Variants in ESRRG observed in about 807,000 individuals in gnomAD.
The protein encoded by ESRRG is estrogen related receptor gamma.
Under a neutral mutation model 44.0 loss-of-function variants are expected in ESRRG, and 13 were observed. That is an observed-to-expected ratio of 0.30 (90% confidence interval 0.19 to 0.47). The LOEUF is 0.47. Among genes scored for constraint, ESRRG ranks in the 20% least tolerant of loss-of-function variants. The pLI is 1.00. For synonymous variants in ESRRG, 215 were observed against 214.6 expected (o/e 1.00, Z -0.02); for missense variants, 395 against 580.6 (o/e 0.68, Z 3.29).
chr1:216,839,776 G>A (rs1413875891), intron 2 of ESRRG, among the ~76,000 whole-genome samples: 2 of 152,044 alleles, frequency 1.3e-5, no homozygotes, highest in African/African-American at 4.8e-5. Context: ...GAGCTCCTGG[G>A]TAATCAGGTG....
At chr1:216,758,602 T>C (rs2092597222) in intron 2 of ESRRG, among the ~76,000 whole-genome samples, 1 of 152,036 alleles carries the variant, frequency 6.6e-6, no homozygotes, top group Non-Finnish European at 1.5e-5. Flanking sequence ...TATTTATTTG[T>C]TGACTGTACT....
At chr1:216,918,141 G>A (rs926812142) in intron 2 of ESRRG, among the ~76,000 whole-genome samples, 1 of 152,062 alleles carries the variant, frequency 6.6e-6, no homozygotes, top group Non-Finnish European at 1.5e-5. Context: ...ATCTACAAAG[G>A]CATTTGTAAT....
At chr1:217,091,614 T>C (rs1416722712), upstream of ESRRG, among the ~76,000 whole-genome samples, 1 of 152,232 alleles carries the variant, frequency 6.6e-6, no homozygotes, top group Non-Finnish European at 1.5e-5. Flanking sequence ...TTGGCCTATG[T>C]CTCTCCACCT....
intron 2 of ESRRG, among the ~76,000 whole-genome samples, chr1:216,907,199 A>G (rs1225354263): frequency 6.6e-6 from 1 of 152,178 alleles, no homozygotes; most frequent in East Asian, 1.9e-4. Context: ...ATGAAAATAC[A>G]GCATCTCTGC....
rs558979640 is a variant in ESRRG, at chr1:216,829,819, G to C, written c.-14+109763C>G. Among the ~76,000 whole-genome samples the C allele has an allele frequency of 5.9e-5, 9 of 152,214 alleles. No individual in the cohort carries two copies. In the South Asian group the frequency reaches 1.5e-3, roughly 25 times the overall value. ...TCCACCCTCCTCGGCCTCCCAAAGT[G>C]CTGGGATTACAGGTGTGAGCCACCG... On this transcript the variant is annotated intron_variant, in intron 2 of 7. Transcript: ENST00000359162.
At chr1:217,129,180 C>T (rs914684772) in intron 1 of ESRRG, among the ~76,000 whole-genome samples, 3 of 152,196 alleles carry the variant, frequency 2.0e-5, no homozygotes, top group African/African-American at 7.2e-5. Flanking sequence ...ATCGTCAAGA[C>T]TCTGAATAGA....
At chr1:216,614,691 T>TTC (rs1269195837) in intron 3 of ESRRG, among the ~76,000 whole-genome samples, 1 of 152,106 alleles carries the variant, frequency 6.6e-6, no homozygotes, top group African/African-American at 2.4e-5. Flanking sequence ...TTGAGAAGAG[T>TTC]CTTGAAAGAG....
intron 2 of ESRRG, among the ~76,000 whole-genome samples, chr1:216,737,091 C>T (rs1232309194): frequency 6.6e-6 from 1 of 152,192 alleles, no homozygotes; most frequent in East Asian, 1.9e-4. Flanking sequence ...GTGATGCTGG[C>T]TGCTACGGCT....
chr1:216,887,374 C>G (rs1057480701), intron 2 of ESRRG, among the ~76,000 whole-genome samples: 2 of 152,164 alleles, frequency 1.3e-5, no homozygotes, highest in African/African-American at 2.4e-5. Context: ...CAAACTTGAA[C>G]TATCAGAACT....
chr1:216,556,208 C>T (rs2057514620), intron 5 of ESRRG, among the ~76,000 whole-genome samples: 1 of 151,162 alleles, frequency 6.6e-6, no homozygotes, highest in Non-Finnish European at 1.5e-5. Context: ...GCTCCATTAA[C>T]AAAAAAGAAG....
intron 3 of ESRRG, among the ~76,000 whole-genome samples, chr1:216,594,291 A>G (rs1203058909): frequency 6.6e-6 from 1 of 152,208 alleles, no homozygotes; most frequent in East Asian, 1.9e-4. Context: ...TAGCATTTAC[A>G]TTTGTATTAC....
intron 1 of ESRRG, among the ~76,000 whole-genome samples, chr1:217,068,539 G>A (rs375825195): frequency 5.9e-5 from 9 of 152,002 alleles, no homozygotes; most frequent in African/African-American, 1.9e-4. Context: ...TTAACAAGCC[G>A]TGTCACTCTG....
rs539911974 is a variant in ESRRG at position 216,993,262 on chromosome 1, CAT to C, written c.-105-53591_-105-53590del. 3.9e-5 allele frequency among the ~76,000 whole-genome samples: 6 copies of C among 152,244 alleles called. No homozygotes were observed. The South Asian group carries it at 8.3e-4, about 21-fold the overall frequency. ...TACTCTTCCTGGTACCTCATGCAAACATGTGTTGAATAAACAAAAAGGTGAGA... is the reference window on the plus strand; with the variant it reads ...TACTCTTCCTGGTACCTCATGCAAACGTGTTGAATAAACAAAAAGGTGAGA... On this transcript the variant is annotated intron_variant, in intron 1 of 7. Coordinates refer to the ESRRG transcript ENST00000359162.
intron 1 of ESRRG, among the ~76,000 whole-genome samples, chr1:217,061,662 A>G (rs1424035075): frequency 6.6e-6 from 1 of 152,122 alleles, no homozygotes; most frequent in Non-Finnish European, 1.5e-5. Flanking sequence ...GTGCAGAAAT[A>G]GAAAAACAAG....
At chr1:216,864,567 A>G (rs1420101078) in intron 2 of ESRRG, 2 of 110,030 alleles carry the variant, frequency 1.8e-5, no homozygotes, top group African/African-American at 1.2e-4. Flanking sequence ...CAAAAATAAT[A>G]CAGAAAAAAA....
intron 3 of ESRRG, among the ~76,000 whole-genome samples, chr1:216,595,335 T>C (rs929591723): frequency 2.0e-5 from 3 of 152,196 alleles, no homozygotes; most frequent in Non-Finnish European, 2.9e-5. Flanking sequence ...TGACAGGGCA[T>C]GATACATATA....
chr1:216,990,810 G>A (rs373854719), intron 1 of ESRRG, among the ~76,000 whole-genome samples: 122 of 152,270 alleles, frequency 8.0e-4, no homozygotes, highest in African/African-American at 2.8e-3. Flanking sequence ...CTGGTCAACA[G>A]TAGGCTGTTA....
At chr1:216,681,632 T>G (rs566537067) in intron 1 of ESRRG, among the ~76,000 whole-genome samples, 1 of 152,228 alleles carries the variant, frequency 6.6e-6, no homozygotes, top group Admixed American at 6.5e-5. Context: ...CTAGCCCTGC[T>G]TAGGGTCAGC....
intron 2 of ESRRG, among the ~76,000 whole-genome samples, chr1:216,793,489 A>T (rs2094383931): frequency 6.6e-6 from 1 of 152,058 alleles, no homozygotes; most frequent in African/African-American, 2.4e-5. Context: ...ATATGGTGAG[A>T]ACTGAGACCT....
Sources: allele counts gnomAD v4.1 joint callset (sites outside exome capture counted in the v4.1 genomes callset), GRCh38; gene constraint gnomAD v4.1.1; transcripts MANE v1.5; gene names NCBI Gene and HGNC (gene_info 2026-07-23, HGNC 2026-07-21).